MGAT4D: variants seen among roughly 807,000 people sequenced by gnomAD.
The protein encoded by MGAT4D is alpha-1,3-mannosyl-glycoprotein 4-beta-N-acetylglucosaminyltransferase-like protein MGAT4D.
MGAT4D carries 34 observed loss-of-function variants against 15.9 expected under a neutral mutation model. The observed-to-expected ratio is 2.14, with a 90% CI of 1.62 to 2.84. The LOEUF (loss-of-function observed/expected upper bound fraction) is 2.84. MGAT4D is among the 30% of genes most tolerant of loss of function. The pLI, the probability that MGAT4D is intolerant of heterozygous loss-of-function variation, is 0.00. For missense variants in MGAT4D, 327 were observed against 140.2 expected, an observed-to-expected ratio of 2.33 and a Z score of -6.73; for synonymous variants, 112 against 48.2, an observed-to-expected ratio of 2.33 and a Z score of -5.49.
Position 140,462,004 on chromosome 4 carries a change from A to G in MGAT4D, c.687T>C (p.Ser229=), listed in dbSNP as rs1731219864. 3 of 700,988 alleles carry G rather than the reference A, an allele frequency of 4.3e-6. No individual in the cohort carries two copies. Among genetic ancestry groups the G allele is most frequent in the East Asian group, 5.4e-5 (2 of 37,200 alleles). The allele number at this position is 700,988 out of a possible 1,614,324, so 43.4% of individuals were successfully genotyped here. A position where few individuals can be genotyped will look rare whatever the true frequency, so the allele number is the denominator to read the frequency against. ...AATCCAATACCTGTTTGATTCGCCA[A>G]CTAAAGGTAATCAATAAGATCTGTT... ...HLAEASQKLA[S]WRIKQVLDFC... is the part of the protein sequence containing the mutation. The change falls in exon 7 of 11, where the codon AGT becomes AGC. Residue 229 remains serine (S), a splice_region_variant and synonymous_variant. Coordinates refer to ENST00000511113, the MANE Select transcript of MGAT4D (RefSeq NM_001277353.2).
intron 4 of MGAT4D, among the ~76,000 whole-genome samples, chr4:140,472,669 C>T (rs1308619625): frequency 2.0e-5 from 3 of 152,062 alleles, no homozygotes; most frequent in Non-Finnish European, 2.9e-5. Flanking sequence ...TTAAACACGG[C>T]GTCAAAGTCA....
At chr4:140,486,358 A>T (rs1423851899) in intron 1 of MGAT4D, among the ~76,000 whole-genome samples, 3 of 151,912 alleles carry the variant, frequency 2.0e-5, no homozygotes, top group Non-Finnish European at 4.4e-5. Context: ...CCTTATTATT[A>T]TTTTTTTAAT....
intron 4 of MGAT4D, among the ~76,000 whole-genome samples, chr4:140,474,479 A>G (rs1226252761): frequency 6.6e-6 from 1 of 152,228 alleles, no homozygotes; most frequent in African/African-American, 2.4e-5. Flanking sequence ...ATCGATTTTA[A>G]TAATTTTAAT....
chr4:140,473,768 G>A (rs1157849625), intron 4 of MGAT4D, among the ~76,000 whole-genome samples: 1 of 152,060 alleles, frequency 6.6e-6, no homozygotes, highest in Non-Finnish European at 1.5e-5. Flanking sequence ...GTGCAATCAT[G>A]GCTCATTACA....
chr4:140,496,467 G>GT (rs1427279189), intron 1 of MGAT4D, among the ~76,000 whole-genome samples: 2 of 152,180 alleles, frequency 1.3e-5, no homozygotes, highest in African/African-American at 4.8e-5. Context: ...CAAAATGATT[G>GT]TAAGGATCTC....
chr4:140,443,356 A>G lies in MGAT4D; in HGVS notation c.*80T>C. 2.2e-6 allele frequency: 1 copy of G among 454,900 alleles called. No homozygotes were observed. The highest frequency in any genetic ancestry group is 2.0e-5 in the African/African-American group (1 of 49,454). 28.2% of individuals were successfully genotyped at this position (454,900 alleles called of 1,614,324 possible). On this transcript the variant is annotated 3_prime_UTR_variant, in exon 11 of 11. Transcript: ENST00000511113. The stretch of plus-strand genomic sequence containing the variant: ...TGCTAGATAATTATGTATTTTCATT[A>G]CTACAATTTCTGAAACATGCCATTA...
chr4:140,457,008 A>G (rs1730853711), intron 8 of MGAT4D: 1 of 169,700 alleles, frequency 5.9e-6, no homozygotes, highest in Non-Finnish European at 1.2e-5. Flanking sequence ...AGTGAAAGAC[A>G]AGTGAATAGA....
chr4:140,457,309 T>C (rs1730876059), intron 8 of MGAT4D: 1 of 152,064 alleles, frequency 6.6e-6, no homozygotes, highest in African/African-American at 2.4e-5. Flanking sequence ...AGGGATAAGA[T>C]TCAGGTACAT....
intron 1 of MGAT4D, among the ~76,000 whole-genome samples, chr4:140,489,359 T>C (rs1305809557): frequency 6.6e-6 from 1 of 152,152 alleles, no homozygotes; most frequent in Non-Finnish European, 1.5e-5. Context: ...CATTAGGTTT[T>C]ATTGCAGAAT....
At chr4:140,447,092 T>A (rs1462987031) in intron 10 of MGAT4D, among the ~76,000 whole-genome samples, 1 of 152,068 alleles carries the variant, frequency 6.6e-6, no homozygotes, top group African/African-American at 2.4e-5. Context: ...TTTTGAGGTT[T>A]TGTTTTGCAT....
intron 1 of MGAT4D, among the ~76,000 whole-genome samples, chr4:140,493,699 G>A (rs944035063): frequency 6.6e-6 from 1 of 152,142 alleles, no homozygotes; most frequent in African/African-American, 2.4e-5. Context: ...AATTGTGTCT[G>A]TTGACACTCT....
chr4:140,490,893 TA>T (rs1313218559), intron 1 of MGAT4D, among the ~76,000 whole-genome samples: 21 of 152,386 alleles, frequency 1.4e-4, no homozygotes, highest in African/African-American at 5.0e-4. Context: ...GGAAATATTT[TA>T]ATTTCTTTTT....
At chr4:140,476,071 C>T (rs1327545723) in intron 3 of MGAT4D, among the ~76,000 whole-genome samples, 1 of 152,154 alleles carries the variant, frequency 6.6e-6, no homozygotes, top group African/African-American at 2.4e-5. Context: ...CTCAGCCTCC[C>T]AAAGTGCTGG....
rs1416791197 is a variant in MGAT4D at position 140,442,300 on chromosome 4, A to T, written c.*1136T>A. ...TTATCTTTATAAATTGGTATTTGAT[A>T]CAGTTCATACTGAGGCGAATGTGTG... On this transcript the variant is annotated 3_prime_UTR_variant, in exon 11 of 11. Coordinates refer to ENST00000511113, the MANE Select transcript of MGAT4D (RefSeq NM_001277353.2). The T allele has an allele frequency of 2.6e-5, 4 of 152,188 alleles. No individual in the cohort carries two copies. Among genetic ancestry groups the T allele is most frequent in the Non-Finnish European group, 5.9e-5 (4 of 68,024 alleles). 9.4% of individuals were successfully genotyped at this position (152,188 alleles called of 1,614,324 possible). A position where few individuals can be genotyped will look rare whatever the true frequency, so the allele number is the denominator to read the frequency against.
At chr4:140,453,502 T>C (rs554632403) in intron 9 of MGAT4D, among the ~76,000 whole-genome samples, 17 of 152,164 alleles carry the variant, frequency 1.1e-4, no homozygotes, top group African/African-American at 4.1e-4. Context: ...TTATATATAA[T>C]GTTTTTTAAA....
intron 9 of MGAT4D, among the ~76,000 whole-genome samples, chr4:140,455,483 T>C (rs960407363): frequency 5.3e-5 from 8 of 152,334 alleles, no homozygotes; most frequent in African/African-American, 1.4e-4. Context: ...TGATCCAAGA[T>C]GTGGCTATTT....
At chr4:140,495,050 A>T (rs1560806758) in intron 1 of MGAT4D, among the ~76,000 whole-genome samples, 1 of 152,276 alleles carries the variant, frequency 6.6e-6, no homozygotes, top group Admixed American at 6.5e-5. Context: ...GATCTTACTC[A>T]CAATAAAATG....
At chr4:140,463,435 G>T (rs1731325159) in intron 6 of MGAT4D, among the ~76,000 whole-genome samples, 1 of 152,042 alleles carries the variant, frequency 6.6e-6, no homozygotes, top group South Asian at 2.1e-4. Context: ...GGAGGGGTGA[G>T]GCATGAGAGC....
chr4:140,471,648 C>A, intron 5 of MGAT4D, 127 bp downstream of exon 5: 1 of 267,864 alleles, frequency 3.7e-6, no homozygotes, highest in Non-Finnish European at 7.0e-6. Context: ...ACTACAGGTT[C>A]TTTCTGCCAG....
Sources: gnomAD v4.1 joint callset for allele counts (sites outside exome capture counted in the v4.1 genomes callset) on GRCh38, gnomAD v4.1.1 for gene constraint, MANE v1.5 for transcripts, NCBI Gene and HGNC (gene_info 2026-07-23, HGNC 2026-07-21) for gene names.